TDRD7: variants seen among roughly 807,000 people sequenced by gnomAD.
TDRD7 encodes tudor domain containing 7.
In TDRD7, 47 loss-of-function variants were observed where a neutral mutation model predicts 109.8. The observed-to-expected ratio is 0.43, with a 90% confidence interval of 0.34 to 0.55. The LOEUF (loss-of-function observed/expected upper bound fraction) is 0.55, where lower values mean the gene tolerates loss of function less well. TDRD7 is among the 20% of genes least tolerant of loss of function. TDRD7 has a pLI of 0.03. For synonymous variants in TDRD7, 424 were observed against 457.3 expected (o/e 0.93, Z 0.93); for missense variants, 1,164 against 1,319.2 (o/e 0.88, Z 1.82).
rs2118194959 is a variant in TDRD7 at position 97,416,192 on chromosome 9, G to A, written c.-7+3954G>A. On this transcript the variant is annotated intron_variant, in intron 1 of 16. Transcript: ENST00000355295. ...TCAAAAAGTTGTTTGCAAATAGAGA[G>A]TTATAGTCCTCCATGAAAGATAGCA... Among the ~76,000 whole-genome samples, 3 of 152,322 alleles carry A rather than the reference G, an allele frequency of 2.0e-5. No homozygotes were observed. In the South Asian group the frequency reaches 6.2e-4, roughly 32 times the overall value.
At chr9:97,485,923 T>G (rs1167791595) in intron 15 of TDRD7, among the ~76,000 whole-genome samples, 1 of 152,200 alleles carries the variant, frequency 6.6e-6, no homozygotes, top group Non-Finnish European at 1.5e-5. Flanking sequence ...TTGCTGCACT[T>G]TGAGCCTGTC....
At chr9:97,440,518 G>T (rs192662722) in intron 5 of TDRD7, among the ~76,000 whole-genome samples, 2 of 152,224 alleles carry the variant, frequency 1.3e-5, no homozygotes, top group Admixed American at 1.3e-4. Flanking sequence ...AAATAAATTA[G>T]CTATACCCTT....
At chr9:97,441,912 T>C (rs1274647536) in intron 6 of TDRD7, 37 bp downstream of exon 6, 2 of 1,554,306 alleles carry the variant, frequency 1.3e-6, no homozygotes, top group South Asian at 2.2e-5. Flanking sequence ...TGATACCTCC[T>C]CCCTGCCCAA....
chr9:97,492,319 T>A (rs1829321926), intron 16 of TDRD7, among the ~76,000 whole-genome samples: 1 of 152,236 alleles, frequency 6.6e-6, no homozygotes, highest in African/African-American at 2.4e-5. Context: ...TTACTATAAC[T>A]GTTATACACA....
Position 97,473,612 on chromosome 9 carries a change from T to G in TDRD7, c.2065T>G (p.Tyr689Asp). 1 of 1,613,740 alleles carries G rather than the reference T, an allele frequency of 6.2e-7. No homozygotes were observed. Among genetic ancestry groups the G allele is most frequent in the South Asian group, 1.1e-5 (1 of 91,082 alleles). Residue 689 changes from tyrosine (Y) to aspartate (D), a missense_variant, in exon 11 of 17, where the codon TAC becomes GAC. Transcript: ENST00000355295. ...LSDLLRKIEDYFHCKHMTSEC... is the reference protein window; with the variant it reads ...LSDLLRKIEDDFHCKHMTSEC... Reference sequence around the variant, plus strand: ...TGACCTTCTACGTAAGATAGAGGACTACTTCCATTGCAAGGTATAGCAGAA... The same window carrying G: ...TGACCTTCTACGTAAGATAGAGGACGACTTCCATTGCAAGGTATAGCAGAA...
At chr9:97,433,545 G>C (rs1828141960) in intron 4 of TDRD7, among the ~76,000 whole-genome samples, 2 of 151,900 alleles carry the variant, frequency 1.3e-5, no homozygotes, top group Non-Finnish European at 2.9e-5. Flanking sequence ...AAAAGCTTCT[G>C]CACCACCGAG....
At chr9:97,428,767 G>T in intron 2 of TDRD7, 95 bp downstream of exon 2, 1 of 1,156,992 alleles carries the variant, frequency 8.6e-7, no homozygotes, top group Non-Finnish European at 1.3e-6. Flanking sequence ...ACGTCTAAGT[G>T]AAAGTACTAG....
chr9:97,415,258 A>G (rs551185632), intron 1 of TDRD7, among the ~76,000 whole-genome samples: 3 of 152,232 alleles, frequency 2.0e-5, no homozygotes, highest in Non-Finnish European at 2.9e-5. Flanking sequence ...GAGCAAGAAG[A>G]AACTTAGAAA....
intron 1 of TDRD7, among the ~76,000 whole-genome samples, chr9:97,413,062 T>G (rs1827747266): frequency 6.6e-6 from 1 of 152,224 alleles, no homozygotes; most frequent in Non-Finnish European, 1.5e-5. Context: ...AGAAGAATTC[T>G]GATCACCGCC....
intron 6 of TDRD7, among the ~76,000 whole-genome samples, chr9:97,450,849 C>A (rs1828477365): frequency 6.6e-6 from 1 of 151,484 alleles, no homozygotes; most frequent in Non-Finnish European, 1.5e-5. Context: ...ATTTGGCCTT[C>A]TCCATTCTCT....
At chr9:97,470,453 A>C in intron 8 of TDRD7, 105 bp from the exon 9 acceptor site, 5 of 1,083,834 alleles carry the variant, frequency 4.6e-6, no homozygotes, top group Non-Finnish European at 6.9e-6. Flanking sequence ...CCACTCTGCC[A>C]CTCAGCTTGC....
chr9:97,428,680 G>C lies in TDRD7; in HGVS notation c.207+8G>C, dbSNP rs71501819. 30 of 1,612,410 alleles carry C rather than the reference G, an allele frequency of 1.9e-5. No individual in the cohort carries two copies. The African/African-American group carries it at 3.1e-4, about 17-fold the overall frequency. Reference sequence around the variant, plus strand: ...ACTAGTAGATCTGGAGAGGTAAGAAGGTAATTGTGCGTGTCAGAAGAATCA... The same window carrying C: ...ACTAGTAGATCTGGAGAGGTAAGAACGTAATTGTGCGTGTCAGAAGAATCA... On this transcript the variant is annotated splice_region_variant and intron_variant, in intron 2 of 16. Transcript: ENST00000355295.
At chr9:97,470,840 G>T (rs900156848) in intron 9 of TDRD7, among the ~76,000 whole-genome samples, 171 bp downstream of exon 9, 12 of 151,976 alleles carry the variant, frequency 7.9e-5, no homozygotes, top group Non-Finnish European at 5.9e-5. Flanking sequence ...TTATAAAAAT[G>T]TTATGTTTTT....
In TDRD7 at chr9:97,449,726, T is replaced by G. The variant is rs78711926; in HGVS notation, c.855+7851T>G. ...CTTCAGTGCCTCTTCCCTCCCGGCATTTGAATGGTGGGGCCAAAAGTTTCA... is the reference window on the plus strand; with the variant it reads ...CTTCAGTGCCTCTTCCCTCCCGGCAGTTGAATGGTGGGGCCAAAAGTTTCA... On this transcript the variant is annotated intron_variant, in intron 6 of 16. Coordinates refer to ENST00000355295, the MANE Select transcript of TDRD7 (RefSeq NM_014290.3). 8.2e-3 allele frequency among the ~76,000 whole-genome samples: 1,250 copies of G among 152,252 alleles called. 43 individuals are homozygous for G. The East Asian group carries it at 0.11, about 13-fold the overall frequency.
At chr9:97,473,757 A>G in intron 11 of TDRD7, 131 bp downstream of exon 11, 1 of 1,193,038 alleles carries the variant, frequency 8.4e-7, no homozygotes, top group Non-Finnish European at 1.2e-6. Context: ...TGGAATCTCT[A>G]GAATAGTAGG....
chr9:97,485,587 G>C (rs942046410), intron 15 of TDRD7, among the ~76,000 whole-genome samples: 1 of 152,150 alleles, frequency 6.6e-6, no homozygotes, highest in Admixed American at 6.5e-5. Flanking sequence ...AACCTACACC[G>C]AAAGTGTTTC....
At chr9:97,475,529 A>C in intron 12 of TDRD7, 60 bp downstream of exon 12, 1 of 1,226,516 alleles carries the variant, frequency 8.2e-7, no homozygotes, top group Non-Finnish European at 1.2e-6. Context: ...TCAAATATAC[A>C]CATAGGTTTT....
chr9:97,465,105 T>G, intron 8 of TDRD7, 77 bp downstream of exon 8: 2 of 1,514,496 alleles, frequency 1.3e-6, no homozygotes, highest in Admixed American at 2.1e-5. Flanking sequence ...ATTTTTTACA[T>G]TTTTGAAATT....
intron 1 of TDRD7, among the ~76,000 whole-genome samples, chr9:97,426,427 T>C (rs2118265424): frequency 6.6e-6 from 1 of 152,224 alleles, no homozygotes; most frequent in South Asian, 2.1e-4. Flanking sequence ...AATTTTTCTA[T>C]TTTTTGTAGA....
Sources: allele counts gnomAD v4.1 joint callset (sites outside exome capture counted in the v4.1 genomes callset), GRCh38; gene constraint gnomAD v4.1.1; transcripts MANE v1.5; gene names NCBI Gene and HGNC (gene_info 2026-07-23, HGNC 2026-07-21).